The following PPP1R12B variants were observed in gnomAD, a reference collection of about 807,000 sequenced individuals.
PPP1R12B encodes the protein protein phosphatase 1 regulatory subunit 12B, also known as myosin phosphatase target subunit 2.
A neutral mutation model predicts 126.1 loss-of-function variants in PPP1R12B; 76 were observed. The observed-to-expected ratio is 0.60, with a 90% CI of 0.50 to 0.73. The LOEUF is 0.73. Among genes scored for constraint, PPP1R12B ranks in the 30% least tolerant of loss-of-function variants. The probability of loss-of-function intolerance (pLI) is 0.00; values close to 1 mark genes in which losing one functional copy is unlikely to be tolerated. For synonymous variants in PPP1R12B, 356 were observed against 434.7 expected, an observed-to-expected ratio of 0.82 and a Z score of 2.25; for missense variants, 1,052 against 1,205.1, an observed-to-expected ratio of 0.87 and a Z score of 1.88.
Position 202,580,940 on chromosome 1 carries a change from T to C in PPP1R12B, c.*380T>C, listed in dbSNP as rs1487466777. On this transcript the variant is annotated 3_prime_UTR_variant, in exon 24 of 24. Transcript: ENST00000608999. ...TCTACCCTAATCAGTATCCTTCAGCTTTTTACATTAACCCAGTGTCCTCTG... is the reference window on the plus strand; with the variant it reads ...TCTACCCTAATCAGTATCCTTCAGCCTTTTACATTAACCCAGTGTCCTCTG... 1 of 192,182 alleles carries C rather than the reference T, an allele frequency of 5.2e-6. No homozygotes were observed. Among genetic ancestry groups the C allele is most frequent in the African/African-American group, 2.3e-5 (1 of 43,654 alleles). The allele number at this position is 192,182 out of a possible 1,614,324, so 11.9% of individuals were successfully genotyped here.
At chr1:202,382,336 T>C (rs1427744937) in intron 1 of PPP1R12B, among the ~76,000 whole-genome samples, 1 of 151,016 alleles carries the variant, frequency 6.6e-6, no homozygotes, top group East Asian at 2.0e-4. Flanking sequence ...GATGAGTTAA[T>C]GGGTGCAGTA....
chr1:202,351,049 T>G (rs1655873834), intron 1 of PPP1R12B, among the ~76,000 whole-genome samples: 1 of 152,128 alleles, frequency 6.6e-6, no homozygotes, highest in Non-Finnish European at 1.5e-5. Flanking sequence ...ACAAGTATAC[T>G]CGATTCTAGA....
chr1:202,536,365 A>G (rs112510081), intron 18 of PPP1R12B, among the ~76,000 whole-genome samples: 36 of 152,322 alleles, frequency 2.4e-4, no homozygotes, highest in African/African-American at 3.4e-4. Context: ...CTGGAACATG[A>G]TAAGTATTTG....
At chr1:202,501,291 A>C (rs1680199793) in intron 18 of PPP1R12B, among the ~76,000 whole-genome samples, 1 of 152,182 alleles carries the variant, frequency 6.6e-6, no homozygotes, top group South Asian at 2.1e-4. Flanking sequence ...CCTGGAGGGA[A>C]CAAGCATAGG....
chr1:202,446,015 T>C (rs1672183540), intron 12 of PPP1R12B, among the ~76,000 whole-genome samples: 1 of 152,008 alleles, frequency 6.6e-6, no homozygotes, highest in Non-Finnish European at 1.5e-5. Context: ...GTTTACTAGA[T>C]TTCTTTCCCT....
intron 22 of PPP1R12B, 27 bp downstream of exon 22, chr1:202,567,858 A>G: frequency 6.2e-7 from 1 of 1,610,622 alleles, no homozygotes; most frequent in East Asian, 2.2e-5. Context: ...TTCCCCCTCC[A>G]CCCCATTTCA....
chr1:202,380,318 A>G (rs978529233), intron 1 of PPP1R12B, among the ~76,000 whole-genome samples: 3 of 152,130 alleles, frequency 2.0e-5, no homozygotes, highest in Non-Finnish European at 4.4e-5. Flanking sequence ...CACAAACAAC[A>G]AGTTGTTCTG....
chr1:202,417,246 G>A, intron 2 of PPP1R12B: 2 of 985,354 alleles, frequency 2.0e-6, no homozygotes, highest in Non-Finnish European at 2.4e-6. Context: ...CAGGCCTGGA[G>A]ATGTTTTTCT....
intron 9 of PPP1R12B, 115 bp downstream of exon 9, chr1:202,434,883 C>T (rs1461356678): frequency 6.8e-7 from 1 of 1,475,490 alleles, no homozygotes; most frequent in East Asian, 2.5e-5. Context: ...TTTTTCCTGT[C>T]ATAATCTGCT....
intron 13 of PPP1R12B, among the ~76,000 whole-genome samples, chr1:202,452,136 T>A (rs1401553226): frequency 1.4e-5 from 2 of 142,910 alleles, no homozygotes; most frequent in Non-Finnish European, 3.1e-5. Flanking sequence ...CTCCTCACTT[T>A]CCAGACGGGG....
At chr1:202,396,309 A>C (rs757886963) in intron 1 of PPP1R12B, among the ~76,000 whole-genome samples, 2 of 152,120 alleles carry the variant, frequency 1.3e-5, no homozygotes, top group Non-Finnish European at 2.9e-5. Context: ...TAGCCATGTG[A>C]CCTTGGGCAT....
chr1:202,497,905 G>A (rs1679762485), intron 18 of PPP1R12B, among the ~76,000 whole-genome samples: 1 of 152,100 alleles, frequency 6.6e-6, no homozygotes, highest in African/African-American at 2.4e-5. Flanking sequence ...TTCCTTTGGG[G>A]AATTATAACT....
intron 8 of PPP1R12B, among the ~76,000 whole-genome samples, chr1:202,434,145 C>T (rs1032284894): frequency 3.9e-5 from 6 of 152,186 alleles, no homozygotes; most frequent in African/African-American, 1.4e-4. Flanking sequence ...TTCTTTAATC[C>T]TCACAACCAT....
At chr1:202,438,400 C>A in intron 10 of PPP1R12B, 1 of 590,342 alleles carries the variant, frequency 1.7e-6, no homozygotes, top group South Asian at 1.7e-5. Context: ...AGCGGCATGG[C>A]TTCGTGTGCT....
intron 18 of PPP1R12B, among the ~76,000 whole-genome samples, chr1:202,509,478 T>A (rs1431732386): frequency 6.6e-6 from 1 of 152,220 alleles, no homozygotes; most frequent in Non-Finnish European, 1.5e-5. Context: ...TCTGATCCTA[T>A]TCCTTCTTAC....
intron 1 of PPP1R12B, among the ~76,000 whole-genome samples, chr1:202,380,607 C>G (rs975530132): frequency 7.9e-5 from 12 of 152,164 alleles, no homozygotes; most frequent in East Asian, 1.9e-4. Context: ...ACACCCCCCC[C>G]ATTCCTTGGC....
intron 23 of PPP1R12B, among the ~76,000 whole-genome samples, chr1:202,569,995 A>G (rs1338969686): frequency 2.0e-5 from 3 of 152,210 alleles, no homozygotes; most frequent in South Asian, 4.1e-4. Context: ...GCTGCAGGGA[A>G]TATAGAGCTG....
At chr1:202,554,139 A>G (rs1226232596) in intron 18 of PPP1R12B, among the ~76,000 whole-genome samples, 2 of 152,168 alleles carry the variant, frequency 1.3e-5, no homozygotes, top group African/African-American at 2.4e-5. Flanking sequence ...CGGATTATCT[A>G]GGGTATCAAG....
intron 1 of PPP1R12B, among the ~76,000 whole-genome samples, chr1:202,389,926 C>CA (rs35190931): frequency 0.016 from 1,573 of 95,732 alleles, 21 homozygotes; most frequent in South Asian, 0.031. Context: ...GACTCTGTCT[C>CA]AAAAAAAAAA....
Sources: allele counts gnomAD v4.1 joint callset (sites outside exome capture counted in the v4.1 genomes callset), GRCh38; gene constraint gnomAD v4.1.1; transcripts MANE v1.5; gene names NCBI Gene and HGNC (gene_info 2026-07-23, HGNC 2026-07-21).